The following PRKG1 variants were observed in gnomAD, a reference collection of about 807,000 sequenced individuals.
The protein encoded by PRKG1 is protein kinase cGMP-dependent 1, also known as cGMP-dependent protein kinase 1.
A neutral mutation model predicts 88.1 loss-of-function variants in PRKG1; 35 were observed. The observed-to-expected ratio is 0.40, with a 90% CI of 0.30 to 0.53. The LOEUF is 0.53. Ranked by LOEUF, PRKG1 falls within the 20% of genes least tolerant of loss-of-function variation. The pLI, the probability that PRKG1 is intolerant of heterozygous loss-of-function variation, is 0.59. For missense variants in PRKG1, 540 were observed against 839.8 expected (o/e 0.64, Z 4.41); for synonymous variants, 303 against 292.5 (o/e 1.04, Z -0.37).
chr10:51,839,330 C>T (rs1840209447), intron 4 of PRKG1, among the ~76,000 whole-genome samples: 1 of 152,164 alleles, frequency 6.6e-6, no homozygotes, highest in Admixed American at 6.5e-5. Flanking sequence ...ACAGTGGGAA[C>T]ATTTAGCGTA....
chr10:51,623,739 T>A (rs1839266054), intron 3 of PRKG1, among the ~76,000 whole-genome samples: 1 of 152,128 alleles, frequency 6.6e-6, no homozygotes, highest in Non-Finnish European at 1.5e-5. Flanking sequence ...TTGTCTAAGT[T>A]GATTCTCAGG....
intron 5 of PRKG1, among the ~76,000 whole-genome samples, chr10:51,963,005 C>T (rs529181678): frequency 2.0e-5 from 3 of 152,150 alleles, no homozygotes; most frequent in African/African-American, 7.2e-5. Context: ...GCTGGATGCT[C>T]TCAGTGTAGT....
intron 7 of PRKG1, among the ~76,000 whole-genome samples, chr10:52,064,027 G>T (rs1218720518): frequency 6.6e-6 from 1 of 152,210 alleles, no homozygotes; most frequent in African/African-American, 2.4e-5. Context: ...TCTTGTCCAT[G>T]GGACTGGCAG....
intron 2 of PRKG1, chr10:51,245,215 A>G (rs1259574767): frequency 6.6e-6 from 1 of 152,078 alleles, no homozygotes; most frequent in Non-Finnish European, 1.5e-5. Flanking sequence ...TTTACTCTGA[A>G]TATGAGAGGC....
chr10:51,222,733 A>G (rs1382264319), intron 2 of PRKG1, among the ~76,000 whole-genome samples: 1 of 152,188 alleles, frequency 6.6e-6, no homozygotes, highest in Non-Finnish European at 1.5e-5. Flanking sequence ...GGTGGCCACC[A>G]TAAGTATGAG....
chr10:52,048,917 C>A lies in PRKG1; in HGVS notation c.763-5567C>A, dbSNP rs993994043. On this transcript the variant is annotated intron_variant, in intron 5 of 17. Coordinates refer to ENST00000373980, the MANE Select transcript of PRKG1 (RefSeq NM_006258.4). ...TCTTTCAACAAATATATATTGAATG[C>A]CTATTTTGTGTTAGGCACTGTTCAA... Among the ~76,000 whole-genome samples the A allele has an allele frequency of 3.3e-5, 5 of 152,132 alleles. No individual in the cohort carries two copies. The East Asian group carries it at 7.7e-4, about 24-fold the overall frequency.
At chr10:51,148,068 T>A (rs1845982462) in intron 1 of PRKG1, among the ~76,000 whole-genome samples, 1 of 152,174 alleles carries the variant, frequency 6.6e-6, no homozygotes, top group African/African-American at 2.4e-5. Flanking sequence ...GACTACCAAT[T>A]TTCTTTCTTA....
At chr10:51,677,926 G>T (rs1382864314) in intron 3 of PRKG1, among the ~76,000 whole-genome samples, 1 of 152,148 alleles carries the variant, frequency 6.6e-6, no homozygotes, top group Admixed American at 6.6e-5. Flanking sequence ...CAACCTCTTG[G>T]ATATGAGAGG....
intron 5 of PRKG1, among the ~76,000 whole-genome samples, chr10:52,001,009 G>A (rs1285474362): frequency 6.6e-6 from 1 of 151,824 alleles, no homozygotes; most frequent in African/African-American, 2.4e-5. Context: ...TCCTCTCCCT[G>A]CCAAACACCT....
At chr10:51,122,536 A>G (rs1409845825) in intron 1 of PRKG1, among the ~76,000 whole-genome samples, 1 of 152,206 alleles carries the variant, frequency 6.6e-6, no homozygotes, top group African/African-American at 2.4e-5. Context: ...CTGATTACTA[A>G]GGAAACTGTA....
At chr10:51,393,297 T>A (rs546845940) in intron 2 of PRKG1, among the ~76,000 whole-genome samples, 1 of 146,156 alleles carries the variant, frequency 6.8e-6, no homozygotes, top group Non-Finnish European at 1.5e-5. Flanking sequence ...ACTTCCCAGA[T>A]GGGATGGCGG....
intron 2 of PRKG1, among the ~76,000 whole-genome samples, chr10:51,254,416 G>A (rs1199359623): frequency 2.0e-5 from 3 of 151,918 alleles, no homozygotes; most frequent in African/African-American, 7.2e-5. Context: ...AGTACTCTCA[G>A]TCTGATCCAA....
At chr10:52,271,548 A>G (rs893441967) in intron 11 of PRKG1, 59 bp downstream of exon 11, 12 of 1,569,418 alleles carry the variant, frequency 7.6e-6, no homozygotes, top group Non-Finnish European at 1.0e-5. Context: ...TCCACCACAA[A>G]ACCCTCTGCC....
chr10:51,429,574 T>C (rs1439692915), intron 2 of PRKG1, among the ~76,000 whole-genome samples: 1 of 152,134 alleles, frequency 6.6e-6, no homozygotes, highest in Non-Finnish European at 1.5e-5. Context: ...AAAGAAATCA[T>C]GTTTAAAGAA....
At chr10:51,229,259 A>G (rs1479583817) in intron 2 of PRKG1, among the ~76,000 whole-genome samples, 1 of 152,164 alleles carries the variant, frequency 6.6e-6, no homozygotes, top group Non-Finnish European at 1.5e-5. Context: ...GAGAGGAGGT[A>G]CTCAAACATT....
chr10:51,559,023 CTTATA>C lies in PRKG1; in HGVS notation c.592+91194_592+91198del, dbSNP rs558552940. On this transcript the variant is annotated intron_variant, in intron 3 of 17. Coordinates refer to ENST00000373980, the MANE Select transcript of PRKG1 (RefSeq NM_006258.4). ...AACAGAAGAGACGACATTCACATAA[CTTATA>C]TTATATGGTTATAGTGGTTCTCTTT... is the stretch of plus-strand genomic sequence containing the variant. 8.5e-5 allele frequency among the ~76,000 whole-genome samples: 13 copies of C among 152,178 alleles called. No homozygotes were observed. The South Asian group carries it at 2.7e-3, about 32-fold the overall frequency.
chr10:51,983,888 C>T (rs558162529), intron 5 of PRKG1, among the ~76,000 whole-genome samples: 14 of 152,312 alleles, frequency 9.2e-5, no homozygotes, highest in African/African-American at 3.4e-4. Flanking sequence ...AGCCCTGTGC[C>T]GGGTTCCCAG....
At chr10:51,573,634 T>C (rs1210292987) in intron 3 of PRKG1, among the ~76,000 whole-genome samples, 3 of 151,990 alleles carry the variant, frequency 2.0e-5, no homozygotes, top group Middle Eastern at 3.4e-3. Context: ...TTTGGACTTA[T>C]AATTTTGTAT....
intron 7 of PRKG1, among the ~76,000 whole-genome samples, chr10:52,124,716 TACAA>T (rs1354555745): frequency 2.0e-5 from 3 of 152,134 alleles, no homozygotes; most frequent in Non-Finnish European, 2.9e-5. Context: ...ATTTCTAAAA[TACAA>T]ACAATTCATA....
Sources: gnomAD v4.1 joint callset for allele counts (sites outside exome capture counted in the v4.1 genomes callset) on GRCh38, gnomAD v4.1.1 for gene constraint, MANE v1.5 for transcripts, NCBI Gene and HGNC (gene_info 2026-07-23, HGNC 2026-07-21) for gene names.